The following PREX2 variants were observed in gnomAD, a reference collection of about 807,000 sequenced individuals.
PREX2 encodes the protein phosphatidylinositol-3,4,5-trisphosphate dependent Rac exchange factor 2.
PREX2 carries 107 observed loss-of-function variants against 203.2 expected under a neutral mutation model. That is an observed-to-expected ratio of 0.53 (90% CI 0.45 to 0.62). The LOEUF (loss-of-function observed/expected upper bound fraction) is 0.62. Among genes scored for constraint, PREX2 ranks in the 20% least tolerant of loss-of-function variants. PREX2 has a pLI of 0.00. For synonymous variants in PREX2, 672 were observed against 663.6 expected (o/e 1.01, Z -0.19); for missense variants, 1,777 against 1,955.9 (o/e 0.91, Z 1.72).
At chr8:68,059,237 T>C (rs145077446) in intron 10 of PREX2, among the ~76,000 whole-genome samples, 1 of 152,248 alleles carries the variant, frequency 6.6e-6, no homozygotes, top group Non-Finnish European at 1.5e-5. Flanking sequence ...CAATATAATA[T>C]TTTTTATTTG....
Position 68,075,593 on chromosome 8 carries a change from T to TA in PREX2, c.1570-1803dup, listed in dbSNP as rs1421673704. Among the ~76,000 whole-genome samples the TA allele has an allele frequency of 3.9e-5, 6 of 152,336 alleles. No individual in the cohort carries two copies. The South Asian group carries it at 1.0e-3, about 26-fold the overall frequency. On this transcript the variant is annotated intron_variant, in intron 14 of 39. Transcript: ENST00000288368. ...TTAAATTGGTTATTGGTAAAGTACT[T>TA]ACCTTTTAATGACCAAATCCTACCC...
intron 1 of PREX2, among the ~76,000 whole-genome samples, chr8:67,984,245 A>G (rs184300604): frequency 3.9e-5 from 6 of 152,280 alleles, no homozygotes; most frequent in African/African-American, 7.2e-5. Context: ...AAGTATTCAT[A>G]TACACATCCG....
chr8:67,975,694 C>CTTTTTTTTTTTTTTTTTTTTT lies in PREX2; in HGVS notation c.141+23166_141+23186dup, dbSNP rs67614434. 2.7e-5 allele frequency among the ~76,000 whole-genome samples: 2 copies of CTTTTTTTTTTTTTTTTTTTTT among 74,990 alleles called. 1 individual carries two copies. 49.2% of individuals were successfully genotyped at this position (74,990 alleles called of 152,430 possible). ...TCAGGATAGTAACTGATTTCTCTTTCTTTTTTTTTTTTTTTTTTTTTTTTT... is the reference window on the plus strand; with the variant it reads ...TCAGGATAGTAACTGATTTCTCTTTCTTTTTTTTTTTTTTTTTTTTTTTTTTTTTTTTTTTTTTTTTTTTTT... On this transcript the variant is annotated intron_variant, in intron 1 of 39. Coordinates refer to ENST00000288368, the MANE Select transcript of PREX2 (RefSeq NM_024870.4).
chr8:68,067,377 G>A (rs561426198), intron 11 of PREX2, among the ~76,000 whole-genome samples: 2 of 151,968 alleles, frequency 1.3e-5, no homozygotes, highest in African/African-American at 4.8e-5. Context: ...CCATTTATTT[G>A]TGTTTTCTTT....
At chr8:68,011,690 T>C (rs963298780) in intron 1 of PREX2, among the ~76,000 whole-genome samples, 2 of 152,128 alleles carry the variant, frequency 1.3e-5, no homozygotes, top group African/African-American at 4.8e-5. Context: ...TTTAACCACA[T>C]AGTGTTGTGT....
At chr8:68,093,869 T>G in intron 21 of PREX2, 147 bp downstream of exon 21, 2 of 464,352 alleles carry the variant, frequency 4.3e-6, no homozygotes, top group Non-Finnish European at 7.8e-6. Flanking sequence ...AATGCATAAG[T>G]AATAATAGCT....
In PREX2 at chr8:68,083,354, C is replaced by G; in HGVS notation, c.1993C>G (p.Pro665Ala). ...GAAATCGTGTTTAAACAGCAGAAAA[C>G]CTCTAAGAGTTCTTGTGAGCACAAA... The part of the protein sequence containing the change: ...FLKSCLNSRK[P>A]LRVLVSTKPR... The change falls in exon 18 of 40, where the codon CCT (proline) becomes GCT (alanine). Residue 665 changes from proline to alanine, a missense_variant. Pro to Ala is a conservative substitution (Grantham distance 27, BLOSUM62 -1). Coordinates refer to ENST00000288368, the MANE Select transcript of PREX2 (RefSeq NM_024870.4). 6.2e-7 allele frequency: 1 copy of G among 1,610,358 alleles called. No homozygotes were observed. The highest frequency in any genetic ancestry group is 8.5e-7 in the Non-Finnish European group (1 of 1,177,638).
chr8:68,078,126 A>G lies in PREX2; in HGVS notation c.1642+657A>G, dbSNP rs148786740. Among the ~76,000 whole-genome samples, 139 of 152,236 alleles carry G rather than the reference A, an allele frequency of 9.1e-4. 1 individual carries two copies. Among genetic ancestry groups the G allele is most frequent in the African/African-American group, 3.2e-3 (131 of 41,566 alleles). On this transcript the variant is annotated intron_variant, in intron 15 of 39. Transcript: ENST00000288368. ...AAGCTTTTCCTGTTCGTAACATCAT[A>G]TAGAATCCATAAACCCAAACAGTAG...
At chr8:67,987,400 T>C (rs1806466255) in intron 1 of PREX2, among the ~76,000 whole-genome samples, 1 of 152,172 alleles carries the variant, frequency 6.6e-6, no homozygotes, top group South Asian at 2.1e-4. Flanking sequence ...ATAATTCTTA[T>C]TCCTCTTCAA....
At chr8:68,150,851 T>C (rs779691881) in intron 34 of PREX2, among the ~76,000 whole-genome samples, 9 of 152,174 alleles carry the variant, frequency 5.9e-5, no homozygotes, top group African/African-American at 9.7e-5. Flanking sequence ...AGGTCAGAAG[T>C]TGGAAATCAG....
At chr8:67,964,228 C>T (rs1428594776) in intron 1 of PREX2, among the ~76,000 whole-genome samples, 1 of 152,202 alleles carries the variant, frequency 6.6e-6, no homozygotes, top group Non-Finnish European at 1.5e-5. Flanking sequence ...AGAAATGACA[C>T]ACATCACTTT....
Position 68,069,061 on chromosome 8 carries a change from A to G in PREX2, c.1368A>G (p.Glu456=). ...CTGATAAACATCAATTCAAACCAGA[A>G]CAGATGTTATATAGATTTCGCTATG... is the stretch of plus-strand genomic sequence containing the variant. The part of the protein sequence containing the change: ...HVTDKHQFKP[E]QMLYRFRYDD... Residue 456 remains glutamate, a synonymous_variant, in exon 12 of 40, where the codon GAA becomes GAG. Coordinates refer to ENST00000288368, the MANE Select transcript of PREX2 (RefSeq NM_024870.4). The G allele has an allele frequency of 1.3e-6, 2 of 1,540,092 alleles. No homozygotes were observed. The highest frequency in any genetic ancestry group is 1.8e-6 in the Non-Finnish European group (2 of 1,138,662).
intron 1 of PREX2, among the ~76,000 whole-genome samples, chr8:68,012,054 T>C (rs970222714): frequency 6.6e-6 from 1 of 152,180 alleles, no homozygotes; most frequent in African/African-American, 2.4e-5. Context: ...AGTTTTACTC[T>C]TGACTTTCCT....
chr8:68,220,369 A>T (rs954838266), intron 38 of PREX2: 3 of 152,202 alleles, frequency 2.0e-5, no homozygotes, highest in Non-Finnish European at 4.4e-5. Flanking sequence ...TGTCATTTAC[A>T]TTATAAATTT....
At chr8:67,974,449 A>G (rs1003897402) in intron 1 of PREX2, among the ~76,000 whole-genome samples, 4 of 152,214 alleles carry the variant, frequency 2.6e-5, no homozygotes, top group Non-Finnish European at 1.5e-5. Context: ...ATATTTTAAT[A>G]GGTATTATAT....
At chr8:68,054,395 C>A (rs35599211) in intron 9 of PREX2, among the ~76,000 whole-genome samples, 85,797 of 149,936 alleles carry the variant, frequency 0.57, 26,064 homozygotes, top group African/African-American at 0.78. Flanking sequence ...AACCCCCAAA[C>A]GAGAAGAAGC....
chr8:68,012,829 G>A (rs1228583349), intron 1 of PREX2, among the ~76,000 whole-genome samples: 3 of 152,156 alleles, frequency 2.0e-5, no homozygotes, highest in Non-Finnish European at 4.4e-5. Flanking sequence ...TAAACATCCT[G>A]TGAGCACCGG....
intron 23 of PREX2, chr8:68,105,195 A>G (rs1284178200): frequency 2.2e-6 from 3 of 1,367,722 alleles, no homozygotes. Context: ...CTGGGAGCAC[A>G]GTTTTGATCT....
At chr8:67,957,235 T>TA (rs1296929264) in intron 1 of PREX2, among the ~76,000 whole-genome samples, 1 of 152,256 alleles carries the variant, frequency 6.6e-6, no homozygotes, top group Non-Finnish European at 1.5e-5. Context: ...GTAGTCTTCT[T>TA]AATGATATTC....
Sources: gnomAD v4.1 joint callset for allele counts (sites outside exome capture counted in the v4.1 genomes callset) on GRCh38, gnomAD v4.1.1 for gene constraint, MANE v1.5 for transcripts, NCBI Gene and HGNC (gene_info 2026-07-23, HGNC 2026-07-21) for gene names.